ALG8: variants seen among roughly 807,000 people sequenced by gnomAD.
The protein encoded by ALG8 is ALG8 alpha-1,3-glucosyltransferase.
ALG8 carries 48 observed loss-of-function variants against 70.2 expected under a neutral mutation model. That is an observed-to-expected ratio of 0.68 (90% confidence interval 0.54 to 0.87). The LOEUF is 0.87. Among genes scored for constraint, ALG8 ranks in the 40% least tolerant of loss-of-function variants. The probability of loss-of-function intolerance (pLI) is 0.00; values close to 1 mark genes in which losing one functional copy is unlikely to be tolerated. For missense variants in ALG8, 572 were observed against 608.7 expected, an observed-to-expected ratio of 0.94 and a Z score of 0.64; for synonymous variants, 234 against 229.0, an observed-to-expected ratio of 1.02 and a Z score of -0.20.
At chr11:78,121,522 C>A (rs1484213407) in intron 3 of ALG8, among the ~76,000 whole-genome samples, 1 of 145,392 alleles carries the variant, frequency 6.9e-6, no homozygotes, top group Non-Finnish European at 1.5e-5. Flanking sequence ...GGTCTGAGGC[C>A]AGCCTGGGCG....
At chr11:78,111,778 CTG>C (rs1491351925) in intron 8 of ALG8, among the ~76,000 whole-genome samples, 1 of 151,786 alleles carries the variant, frequency 6.6e-6, no homozygotes, top group African/African-American at 2.4e-5. Flanking sequence ...AAATGAGAGA[CTG>C]TGTTATCCAG....
intron 7 of ALG8, 56 bp from the exon 8 acceptor site, chr11:78,112,826 A>T: frequency 6.3e-7 from 1 of 1,594,004 alleles, no homozygotes. Flanking sequence ...TTCAAATTCA[A>T]AAAGAGAACT....
At chr11:78,101,503 C>G (rs1462128605) in intron 12 of ALG8, among the ~76,000 whole-genome samples, 1 of 152,138 alleles carries the variant, frequency 6.6e-6, no homozygotes. Flanking sequence ...GTGGCACAGG[C>G]CTGTAATTCC....
chr11:78,118,080 A>AG, intron 5 of ALG8, among the ~76,000 whole-genome samples: 1 of 151,904 alleles, frequency 6.6e-6, no homozygotes, highest in East Asian at 1.9e-4. Flanking sequence ...CAAAAAAAAA[A>AG]AAAAAGAAAA....
chr11:78,125,021 T>TCTAA (rs140172719), intron 2 of ALG8, among the ~76,000 whole-genome samples: 32,658 of 151,004 alleles, frequency 0.22, 4,345 homozygotes, highest in African/African-American at 0.38. Context: ...GTTAGATTTC[T>TCTAA]CTCTCAGTTT....
At chr11:78,105,541 C>T (rs1390663596) in intron 10 of ALG8, among the ~76,000 whole-genome samples, 1 of 151,468 alleles carries the variant, frequency 6.6e-6, no homozygotes, top group Non-Finnish European at 1.5e-5. Flanking sequence ...TGTTGGCTCA[C>T]ATCTGCAATC....
intron 3 of ALG8, among the ~76,000 whole-genome samples, chr11:78,121,939 C>A (rs573527577): frequency 2.0e-5 from 3 of 152,074 alleles, no homozygotes; most frequent in Non-Finnish European, 4.4e-5. Context: ...ACAGTAAGAT[C>A]CTATTTTTAT....
At chr11:78,111,383 C>T (rs1860282737) in intron 8 of ALG8, among the ~76,000 whole-genome samples, 1 of 152,194 alleles carries the variant, frequency 6.6e-6, no homozygotes, top group African/African-American at 2.4e-5. Flanking sequence ...AGGTAAAGTA[C>T]TAGTATGTCT....
chr11:78,128,287 T>C (rs976520789), intron 1 of ALG8, among the ~76,000 whole-genome samples: 2 of 152,162 alleles, frequency 1.3e-5, no homozygotes, highest in Non-Finnish European at 2.9e-5. Flanking sequence ...CCTCCACATT[T>C]AGAACAGTAC....
At chr11:78,132,745 G>T (rs970034409) in intron 1 of ALG8, among the ~76,000 whole-genome samples, 1 of 151,468 alleles carries the variant, frequency 6.6e-6, no homozygotes, top group Admixed American at 6.6e-5. Context: ...CTCCAATGAT[G>T]TCAGTTCCTC....
chr11:78,128,431 AC>A (rs1861171500), intron 1 of ALG8, among the ~76,000 whole-genome samples: 1 of 151,836 alleles, frequency 6.6e-6, no homozygotes. Context: ...ACTTTCTCCT[AC>A]CTCCAGCCAA....
chr11:78,129,672 T>C (rs118173662), intron 1 of ALG8, among the ~76,000 whole-genome samples: 1 of 152,316 alleles, frequency 6.6e-6, no homozygotes, highest in East Asian at 1.9e-4. Flanking sequence ...CTCACAAGTA[T>C]ACAGTGATGT....
At chr11:78,110,541 T>G (rs916975924) in intron 8 of ALG8, among the ~76,000 whole-genome samples, 1 of 152,216 alleles carries the variant, frequency 6.6e-6, no homozygotes, top group Non-Finnish European at 1.5e-5. Flanking sequence ...CACTTGTTTA[T>G]GTGCTCATTT....
intron 9 of ALG8, among the ~76,000 whole-genome samples, chr11:78,107,287 C>G (rs1320075971): frequency 1.3e-5 from 2 of 148,610 alleles, no homozygotes; most frequent in Non-Finnish European, 3.0e-5. Flanking sequence ...GTGGTGCGAT[C>G]TCGGCTCACT....
chr11:78,108,764 T>C (rs1860153289), intron 9 of ALG8, among the ~76,000 whole-genome samples: 2 of 152,312 alleles, frequency 1.3e-5, no homozygotes. Context: ...TGTCATGTAA[T>C]TAAGTGGAAT....
intron 5 of ALG8, 147 bp downstream of exon 5, chr11:78,119,035 T>C (rs934588921): frequency 4.6e-6 from 3 of 647,920 alleles, no homozygotes; most frequent in African/African-American, 3.7e-5. Flanking sequence ...AAGATGGAAT[T>C]TGTGAGAAAT....
intron 1 of ALG8, among the ~76,000 whole-genome samples, chr11:78,138,018 T>C (rs1861620231): frequency 6.6e-6 from 1 of 152,142 alleles, no homozygotes; most frequent in African/African-American, 2.4e-5. Flanking sequence ...GAGCGCTATA[T>C]ACATTCTTAA....
In ALG8 at chr11:78,104,387, A is replaced by G. The variant is rs1364242213; in HGVS notation, c.1245T>C (p.Tyr415=). 6.2e-7 allele frequency: 1 copy of G among 1,600,912 alleles called. No homozygotes were observed. Among genetic ancestry groups the G allele is most frequent in the Non-Finnish European group, 8.5e-7 (1 of 1,173,704 alleles). Residue 415 remains tyrosine, a synonymous_variant, in exon 11 of 13, where the codon TAT becomes TAC. Coordinates refer to ENST00000299626, the MANE Select transcript of ALG8 (RefSeq NM_024079.5). Reference sequence around the variant, plus strand: ...CAGTGAAGAGCAGAGGAAAGAGGGAATAATGTCCTGTTGTGGTCAGAATCA... The same window carrying G: ...CAGTGAAGAGCAGAGGAAAGAGGGAGTAATGTCCTGTTGTGGTCAGAATCA... ...IFLILTTTGH[Y]SLFPLLFTAP...
intron 10 of ALG8, among the ~76,000 whole-genome samples, chr11:78,106,261 G>A (rs965002861): frequency 2.0e-5 from 3 of 150,970 alleles, no homozygotes; most frequent in Admixed American, 6.6e-5. Context: ...GCAGTGGTGC[G>A]ATCTCGGCTC....
Sources: gnomAD v4.1 joint callset for allele counts (sites outside exome capture counted in the v4.1 genomes callset) on GRCh38, gnomAD v4.1.1 for gene constraint, MANE v1.5 for transcripts, NCBI Gene and HGNC (gene_info 2026-07-23, HGNC 2026-07-21) for gene names.